PIK3C2G: variants seen among roughly 807,000 people sequenced by gnomAD.
PIK3C2G encodes phosphatidylinositol-4-phosphate 3-kinase catalytic subunit type 2 gamma, also known as phosphatidylinositol 3-kinase C2 domain-containing subunit gamma.
Under a neutral mutation model 181.1 loss-of-function variants are expected in PIK3C2G, and 168 were observed. That is an observed-to-expected ratio of 0.93 (90% CI 0.82 to 1.05). The LOEUF (loss-of-function observed/expected upper bound fraction) is 1.05, where lower values mean the gene tolerates loss of function less well. PIK3C2G is among the 50% of genes least tolerant of loss of function. The probability of loss-of-function intolerance (pLI) is 0.00; values close to 1 mark genes in which losing one functional copy is unlikely to be tolerated. For missense variants in PIK3C2G, 1,869 were observed against 1,732.8 expected (o/e 1.08, Z -1.40); for synonymous variants, 573 against 592.2 (o/e 0.97, Z 0.47).
At chr12:18,395,566 G>GT (rs1388092265) in intron 15 of PIK3C2G, among the ~76,000 whole-genome samples, 1 of 147,666 alleles carries the variant, frequency 6.8e-6, no homozygotes, top group Non-Finnish European at 1.5e-5. Flanking sequence ...ACTCAAATTG[G>GT]TAAGAAGAAA....
intron 31 of PIK3C2G, among the ~76,000 whole-genome samples, chr12:18,620,366 C>T (rs1948799459): frequency 6.6e-6 from 1 of 152,012 alleles, no homozygotes; most frequent in African/African-American, 2.4e-5. Flanking sequence ...TTTTTGCCCT[C>T]AAAAATACTT....
rs537057719 is a variant in PIK3C2G, at chr12:18,369,488, G to A, written c.1749-1692G>A. On this transcript the variant is annotated intron_variant, in intron 12 of 32. Transcript: ENST00000538779. ...ATGATCATATAACGATCGTATAATT[G>A]ACATATGATCATATAACGATCGTAT... 2.2e-5 allele frequency among the ~76,000 whole-genome samples: 3 copies of A among 138,666 alleles called. No homozygotes were observed. In the East Asian group the frequency reaches 6.6e-4, roughly 30 times the overall value. The allele number at this position is 138,666 out of a possible 152,430, so 91.0% of individuals were successfully genotyped here. A position where few individuals can be genotyped will look rare whatever the true frequency, so the allele number is the denominator to read the frequency against.
chr12:18,573,205 G>A (rs1946059689), intron 29 of PIK3C2G, among the ~76,000 whole-genome samples: 1 of 152,122 alleles, frequency 6.6e-6, no homozygotes, highest in African/African-American at 2.4e-5. Flanking sequence ...TTATCTTAGT[G>A]TGGAAAAGAA....
intron 3 of PIK3C2G, among the ~76,000 whole-genome samples, chr12:18,290,298 G>A (rs1203464194): frequency 2.0e-5 from 3 of 152,120 alleles, no homozygotes; most frequent in African/African-American, 7.2e-5. Flanking sequence ...GTAAGCAATT[G>A]TTCAGAATAT....
At chr12:18,495,974 G>A in intron 20 of PIK3C2G, 88 bp from the exon 21 acceptor site, 1 of 614,874 alleles carries the variant, frequency 1.6e-6, no homozygotes, top group Non-Finnish European at 2.8e-6. Flanking sequence ...TCTGCAAGGG[G>A]CTATGATTTT....
the PIK3C2G span, among the ~76,000 whole-genome samples, chr12:18,711,492 A>T: frequency 1.3e-5 from 2 of 150,540 alleles, no homozygotes; most frequent in East Asian, 3.9e-4. Flanking sequence ...TATGTAACAA[A>T]CCTGCACATT....
chr12:18,343,256 G>T, intron 9 of PIK3C2G, 71 bp from the exon 10 acceptor site: 2 of 766,176 alleles, frequency 2.6e-6, no homozygotes, highest in South Asian at 3.3e-5. Flanking sequence ...TTTAGATTTT[G>T]GACATTACTA....
At chr12:18,310,354 G>A (rs1276717603) in intron 5 of PIK3C2G, among the ~76,000 whole-genome samples, 3 of 151,814 alleles carry the variant, frequency 2.0e-5, no homozygotes, top group African/African-American at 2.4e-5. Flanking sequence ...GAGAGGCTAC[G>A]TAGTTACGTT....
chr12:18,338,667 G>C (rs1211692737), intron 9 of PIK3C2G, 119 bp downstream of exon 9: 281 of 101,706 alleles, frequency 2.8e-3, no homozygotes, highest in Non-Finnish European at 4.1e-3. Flanking sequence ...GTGTATCTGT[G>C]TGTGTGTGTG....
At chr12:18,507,647 A>C (rs1415591313) in intron 24 of PIK3C2G, among the ~76,000 whole-genome samples, 1 of 152,174 alleles carries the variant, frequency 6.6e-6, no homozygotes, top group Non-Finnish European at 1.5e-5. Flanking sequence ...TTTTCTAAAA[A>C]TTCAAAGATT....
chr12:18,641,987 T>C (rs557562627), intron 32 of PIK3C2G, among the ~76,000 whole-genome samples: 1 of 152,214 alleles, frequency 6.6e-6, no homozygotes, highest in South Asian at 2.1e-4. Flanking sequence ...TGACCTCAGG[T>C]GATCCACCGC....
intron 18 of PIK3C2G, among the ~76,000 whole-genome samples, chr12:18,484,929 T>C (rs886346964): frequency 6.6e-6 from 1 of 152,194 alleles, no homozygotes; most frequent in Non-Finnish European, 1.5e-5. Flanking sequence ...ATTGGTCTCC[T>C]GATCCACGTA....
intron 29 of PIK3C2G, 108 bp from the exon 30 acceptor site, chr12:18,594,386 T>C (rs1034324962): frequency 1.2e-4 from 72 of 614,784 alleles, no homozygotes; most frequent in African/African-American, 1.2e-3. Flanking sequence ...GTAGAATCTA[T>C]AACAGGTATC....
intron 24 of PIK3C2G, among the ~76,000 whole-genome samples, chr12:18,531,528 C>G (rs1169944414): frequency 2.6e-5 from 4 of 152,134 alleles, no homozygotes; most frequent in African/African-American, 9.7e-5. Context: ...TCACTTCCCT[C>G]TCACCTTCTT....
chr12:18,440,929 C>T (rs1283088659), intron 18 of PIK3C2G, among the ~76,000 whole-genome samples: 3 of 151,938 alleles, frequency 2.0e-5, no homozygotes, highest in East Asian at 1.9e-4. Flanking sequence ...TCAACATATA[C>T]GTAAGGTTCA....
rs1942855263 is a variant in PIK3C2G at position 18,381,815 on chromosome 12, C to A, written c.1930C>A (p.Pro644Thr). Reference protein sequence around the residue: ...MLFSMTLQSEPPVEMITPGVW... With the variant: ...MLFSMTLQSETPVEMITPGVW... ...GTTCAGCATGACATTACAGAGTGAG[C>A]CTCCCGTAGAAATGATAACTCCAGG... Residue 644 changes from proline (P) to threonine (T), a missense_variant, in exon 14 of 33, where the codon CCT (proline) becomes ACT (threonine). Physicochemically the swap from Pro to Thr is conservative, Grantham distance 38 (BLOSUM62 -1). Transcript: ENST00000538779. 6.2e-7 allele frequency: 1 copy of A among 1,613,626 alleles called. No individual in the cohort carries two copies. The highest frequency in any genetic ancestry group is 1.7e-5 in the Admixed American group (1 of 60,000).
At chr12:18,689,566 A>G in the PIK3C2G span, among the ~76,000 whole-genome samples, 1 of 152,094 alleles carries the variant, frequency 6.6e-6, no homozygotes, top group Non-Finnish European at 1.5e-5. Flanking sequence ...TGGTTTAGGG[A>G]GCATTGATCA....
the PIK3C2G span, among the ~76,000 whole-genome samples, chr12:18,680,364 G>A: frequency 1.3e-5 from 2 of 151,928 alleles, no homozygotes; most frequent in Non-Finnish European, 2.9e-5. Context: ...CATCCCTCAA[G>A]ACACTCCCTT....
At chr12:18,244,433 A>G (rs184221348), upstream of PIK3C2G, among the ~76,000 whole-genome samples, 240 of 152,152 alleles carry the variant, frequency 1.6e-3, 1 homozygote, top group African/African-American at 5.5e-3. Flanking sequence ...AAGGTATAAT[A>G]AAACAGAAAA....
Sources: gnomAD v4.1 joint callset for allele counts (sites outside exome capture counted in the v4.1 genomes callset) on GRCh38, gnomAD v4.1.1 for gene constraint, MANE v1.5 for transcripts, NCBI Gene and HGNC (gene_info 2026-07-23, HGNC 2026-07-21) for gene names.